The following PCSK2 variants were observed in gnomAD, a reference collection of about 807,000 sequenced individuals.
The protein encoded by PCSK2 is neuroendocrine convertase 2.
A neutral mutation model predicts 69.7 loss-of-function variants in PCSK2; 14 were observed. The observed-to-expected ratio is 0.20, with a 90% confidence interval of 0.13 to 0.31. The LOEUF is 0.31. PCSK2 is among the 10% of genes least tolerant of loss of function. PCSK2 has a pLI of 1.00. For missense variants in PCSK2, 544 were observed against 842.5 expected (o/e 0.65, Z 4.39); for synonymous variants, 307 against 320.7 (o/e 0.96, Z 0.46).
At chr20:17,239,789 C>T (rs1256405964) in intron 1 of PCSK2, among the ~76,000 whole-genome samples, 1 of 150,162 alleles carries the variant, frequency 6.7e-6, no homozygotes, top group Admixed American at 6.6e-5. Flanking sequence ...ATCTTACTGG[C>T]CTAAGATGAT....
intron 2 of PCSK2, among the ~76,000 whole-genome samples, chr20:17,317,503 C>T (rs1989725923): frequency 1.3e-5 from 2 of 152,172 alleles, no homozygotes; most frequent in African/African-American, 4.8e-5. Flanking sequence ...ATTAGTGTCC[C>T]TCTTGACAAA....
chr20:17,238,331 C>T (rs1422784628), intron 1 of PCSK2, among the ~76,000 whole-genome samples: 1 of 152,148 alleles, frequency 6.6e-6, no homozygotes, highest in African/African-American at 2.4e-5. Context: ...TGTGACATAC[C>T]TAGCCAATCA....
At chr20:17,360,469 T>C (rs765334901) in intron 3 of PCSK2, 63 bp from the exon 4 acceptor site, 368 of 929,762 alleles carry the variant, frequency 4.0e-4, no homozygotes, top group Non-Finnish European at 5.6e-4. Flanking sequence ...CAAGTAAATA[T>C]GTACATGGGT....
chr20:17,436,631 C>T, intron 7 of PCSK2, 77 bp from the exon 8 acceptor site: 2 of 1,308,174 alleles, frequency 1.5e-6, no homozygotes, highest in Non-Finnish European at 2.2e-6. Context: ...ACCCAGGGCC[C>T]AAGCCCTCCT....
intron 2 of PCSK2, among the ~76,000 whole-genome samples, chr20:17,322,022 A>ATTTTCTTCC (rs1989883555): frequency 6.6e-6 from 1 of 151,938 alleles, no homozygotes; most frequent in South Asian, 2.1e-4. Context: ...AGGGAAGAAA[A>ATTTTCTTCC]CTAACACTGG....
At chr20:17,449,522 G>GTATATATATATATA (rs1454257085) in intron 8 of PCSK2, among the ~76,000 whole-genome samples, 2 of 72,280 alleles carry the variant, frequency 2.8e-5, no homozygotes, top group Non-Finnish European at 5.6e-5. Flanking sequence ...ATATATGTAT[G>GTATATATATATATA]TATGTATATA....
At chr20:17,250,225 G>C (rs1404228067) in intron 1 of PCSK2, among the ~76,000 whole-genome samples, 1 of 152,148 alleles carries the variant, frequency 6.6e-6, no homozygotes, top group Non-Finnish European at 1.5e-5. Context: ...TCCAAAATAT[G>C]ATTATATTTA....
At chr20:17,367,006 GTCT>G (rs2030613802) in intron 4 of PCSK2, among the ~76,000 whole-genome samples, 1 of 151,718 alleles carries the variant, frequency 6.6e-6, no homozygotes, top group Admixed American at 6.6e-5. Flanking sequence ...CTCTGGGTGT[GTCT>G]TTTTTTACAC....
intron 2 of PCSK2, among the ~76,000 whole-genome samples, chr20:17,277,124 G>A (rs999548659): frequency 1.3e-4 from 20 of 152,160 alleles, no homozygotes; most frequent in Middle Eastern, 3.4e-3. Context: ...AATCAATATT[G>A]TGAAAATGGC....
intron 8 of PCSK2, among the ~76,000 whole-genome samples, chr20:17,441,903 T>A (rs2032605329): frequency 6.6e-6 from 1 of 151,526 alleles, no homozygotes; most frequent in Non-Finnish European, 1.5e-5. Flanking sequence ...CAATACCTCA[T>A]AATGTGACCT....
chr20:17,374,987 T>C (rs746279916), intron 5 of PCSK2, among the ~76,000 whole-genome samples: 8 of 152,206 alleles, frequency 5.3e-5, no homozygotes, highest in Non-Finnish European at 1.0e-4. Context: ...CCCTACCTCA[T>C]GATGCAGCCT....
chr20:17,462,483 C>G (rs1027614752), intron 10 of PCSK2, among the ~76,000 whole-genome samples: 1 of 152,216 alleles, frequency 6.6e-6, no homozygotes, highest in Non-Finnish European at 1.5e-5. Context: ...GATTGAGGAT[C>G]ACAGTGAGAA....
At chr20:17,412,184 T>C (rs941826580) in intron 6 of PCSK2, among the ~76,000 whole-genome samples, 2 of 152,266 alleles carry the variant, frequency 1.3e-5, no homozygotes, top group South Asian at 4.1e-4. Flanking sequence ...ATGACTTTGA[T>C]GAGTTGACAG....
chr20:17,403,467 T>G (rs534985005), intron 5 of PCSK2, among the ~76,000 whole-genome samples: 1 of 152,378 alleles, frequency 6.6e-6, no homozygotes, highest in African/African-American at 2.4e-5. Flanking sequence ...AGCAAAATTC[T>G]TTAGGCTCTA....
At chr20:17,368,608 G>T (rs1293789282) in intron 4 of PCSK2, among the ~76,000 whole-genome samples, 1 of 152,174 alleles carries the variant, frequency 6.6e-6, no homozygotes, top group Non-Finnish European at 1.5e-5. Flanking sequence ...GAACTCAGCA[G>T]TGCTCATAGT....
intron 6 of PCSK2, among the ~76,000 whole-genome samples, chr20:17,412,348 A>T (rs765222244): frequency 6.6e-6 from 1 of 152,232 alleles, no homozygotes; most frequent in Non-Finnish European, 1.5e-5. Context: ...GACCTGATGG[A>T]GCTGAAAACC....
At chr20:17,375,581 A>G (rs1443082205) in intron 5 of PCSK2, among the ~76,000 whole-genome samples, 1 of 152,166 alleles carries the variant, frequency 6.6e-6, no homozygotes, top group Non-Finnish European at 1.5e-5. Context: ...AGGGATTATA[A>G]GGTAGCAACT....
intron 2 of PCSK2, among the ~76,000 whole-genome samples, chr20:17,327,865 T>C (rs755622874): frequency 3.3e-5 from 5 of 152,348 alleles, no homozygotes; most frequent in Middle Eastern, 3.4e-3. Flanking sequence ...CTCAGTCATG[T>C]TTTTCTAATA....
chr20:17,390,757 C>A (rs898198273), intron 5 of PCSK2, among the ~76,000 whole-genome samples: 9 of 152,164 alleles, frequency 5.9e-5, no homozygotes, highest in Non-Finnish European at 1.0e-4. Flanking sequence ...TCAAACATTA[C>A]AGAAGTGTAG....
Sources: allele counts gnomAD v4.1 joint callset (sites outside exome capture counted in the v4.1 genomes callset), GRCh38; gene constraint gnomAD v4.1.1; transcripts MANE v1.5; gene names NCBI Gene and HGNC (gene_info 2026-07-23, HGNC 2026-07-21).